The following PFKP variants were observed in gnomAD, a reference collection of about 807,000 sequenced individuals.
PFKP encodes phosphofructokinase, platelet, also known as ATP-dependent 6-phosphofructokinase, platelet type.
In PFKP, 101 loss-of-function variants were observed where a neutral mutation model predicts 94.3. That is an observed-to-expected ratio of 1.07 (90% CI 0.91 to 1.26). The LOEUF (loss-of-function observed/expected upper bound fraction) is 1.26, where lower values mean the gene tolerates loss of function less well. Ranked by LOEUF, PFKP falls within the 50% of genes most tolerant of loss-of-function variation. PFKP has a pLI of 0.00. For missense variants in PFKP, 1,145 were observed against 1,103.3 expected, an observed-to-expected ratio of 1.04 and a Z score of -0.53; for synonymous variants, 573 against 432.6, an observed-to-expected ratio of 1.32 and a Z score of -4.03.
chr10:3,109,524 G>A, intron 10 of PFKP, 44 bp downstream of exon 10: 1 of 1,588,514 alleles, frequency 6.3e-7, no homozygotes, highest in South Asian at 1.1e-5. Flanking sequence ...GAGACGGCTG[G>A]GACAGAAGCT....
chr10:3,075,904 C>CG (rs1832538888), intron 1 of PFKP, among the ~76,000 whole-genome samples: 1 of 70,346 alleles, frequency 1.4e-5, no homozygotes, highest in African/African-American at 5.3e-5. Flanking sequence ...GACCCTATCG[C>CG]AAAAAAAAAA....
At position 3,119,915 on chromosome 10, in the gene PFKP, G is replaced by C. The variant is rs145161659; in HGVS notation, c.1554G>C (p.Leu518=). 432 of 1,614,150 alleles carry C rather than the reference G, an allele frequency of 2.7e-4. 4 individuals are homozygous for C. The East Asian group carries it at 9.3e-3, about 35-fold the overall frequency. ...GFEAYLGLLE[L]SAAREKHEEF... ...AGGCCTACCTGGGACTCCTGGAGCT[G>C]TCAGCCGCCCGGGAGAAGCACGAGG... The change falls in exon 16 of 22, where the codon CTG becomes CTC. Residue 518 remains leucine (L), a synonymous_variant. Coordinates refer to ENST00000381125, the MANE Select transcript of PFKP (RefSeq NM_002627.5).
chr10:3,077,536 G>A lies in PFKP; in HGVS notation c.113-4852G>A, dbSNP rs137912355. Among the ~76,000 whole-genome samples, 600 of 151,792 alleles carry A rather than the reference G, an allele frequency of 4.0e-3. 10 individuals carry two copies. The highest frequency in any genetic ancestry group is 0.033 in the Admixed American group (496 of 15,252). ...CCACCTTGGCCTCCCAAAGTGCTGG[G>A]ATTACAGGCATGAGGCATCGTGCCT... is the stretch of plus-strand genomic sequence containing the variant. On this transcript the variant is annotated intron_variant, in intron 1 of 21. Transcript: ENST00000381125.
chr10:3,112,013 T>C (rs927423367), intron 10 of PFKP, among the ~76,000 whole-genome samples: 2 of 152,166 alleles, frequency 1.3e-5, no homozygotes, highest in African/African-American at 4.8e-5. Flanking sequence ...GGCTCTGACC[T>C]CACAGCCGGG....
intron 1 of PFKP, 66 bp downstream of exon 1, chr10:3,067,773 G>A: frequency 1.2e-6 from 1 of 805,896 alleles, no homozygotes; most frequent in East Asian, 3.4e-5. Flanking sequence ...ACCGGGCGAA[G>A]GCGATGGGGT....
intron 2 of PFKP, 63 bp downstream of exon 2, chr10:3,082,524 C>G: frequency 8.3e-7 from 1 of 1,211,504 alleles, no homozygotes; most frequent in Non-Finnish European, 1.2e-6. Flanking sequence ...CTGCAGTCAC[C>G]GGCGCTCGCT....
chr10:3,105,866 G>A (rs1564307912), intron 7 of PFKP, among the ~76,000 whole-genome samples: 1 of 152,162 alleles, frequency 6.6e-6, no homozygotes, highest in Non-Finnish European at 1.5e-5. Context: ...TAGAAAGCGA[G>A]TCCATTGAGG....
intron 1 of PFKP, among the ~76,000 whole-genome samples, chr10:3,076,915 A>G (rs1832641309): frequency 6.6e-6 from 1 of 152,124 alleles, no homozygotes; most frequent in African/African-American, 2.4e-5. Flanking sequence ...CCTTGACAGA[A>G]TCTGCCTTTG....
At chr10:3,135,063 T>G (rs867265866) in intron 20 of PFKP, among the ~76,000 whole-genome samples, 3 of 152,362 alleles carry the variant, frequency 2.0e-5, no homozygotes, top group Middle Eastern at 3.4e-3. Flanking sequence ...AAGTTACATA[T>G]TCTAAGAAAT....
intron 8 of PFKP, among the ~76,000 whole-genome samples, 186 bp downstream of exon 8, chr10:3,107,495 C>T (rs1044391951): frequency 1.2e-4 from 19 of 152,232 alleles, no homozygotes; most frequent in African/African-American, 4.3e-4. Context: ...CCTGGGAGCC[C>T]ATTCCGCTTA....
intron 16 of PFKP, among the ~76,000 whole-genome samples, chr10:3,120,876 T>C (rs7086721): frequency 0.68 from 103,834 of 151,960 alleles, 35,512 homozygotes; most frequent in South Asian, 0.74. Flanking sequence ...TGGTAATTGA[T>C]GTGGGAGTTT....
chr10:3,084,080 A>G (rs2131430987), intron 2 of PFKP, among the ~76,000 whole-genome samples: 1 of 152,314 alleles, frequency 6.6e-6, no homozygotes, highest in South Asian at 2.1e-4. Flanking sequence ...GTAACACTGC[A>G]AGATCTATGT....
rs371399559 is a variant in PFKP at position 3,103,916 on chromosome 10, G to A, written c.592G>A (p.Val198Ile). 25 of 1,613,640 alleles carry A rather than the reference G, an allele frequency of 1.5e-5. No homozygotes were observed. The highest frequency in any genetic ancestry group is 6.7e-5 in the East Asian group (3 of 44,878). ...CGCCCTGCACAGGATCATCGAGGTC[G>A]TCGACGCCATCATGACCACGGCCCA... ...DSALHRIIEV[V>I]DAIMTTAQSH... Residue 198 changes from valine to isoleucine, a missense_variant, in exon 5 of 22, where the codon GTC (valine) becomes ATC (isoleucine). Val to Ile is a conservative substitution (Grantham distance 29, BLOSUM62 3). This residue lies in a region of PFKP where 1,119 missense variants were observed against 1,062.8 expected (regional missense o/e 1.05). Transcript: ENST00000381125.
intron 2 of PFKP, among the ~76,000 whole-genome samples, chr10:3,089,358 A>T (rs1053650087): frequency 3.3e-5 from 5 of 151,920 alleles, no homozygotes; most frequent in Non-Finnish European, 7.4e-5. Flanking sequence ...TTGTCCATTT[A>T]TCCGCTGACG....
At chr10:3,131,651 G>C (rs1838604616) in intron 17 of PFKP, among the ~76,000 whole-genome samples, 1 of 151,876 alleles carries the variant, frequency 6.6e-6, no homozygotes, top group African/African-American at 2.4e-5. Context: ...AGAGACGGGG[G>C]TTTCACCATG....
chr10:3,084,715 G>C (rs149324411), intron 2 of PFKP, among the ~76,000 whole-genome samples: 597 of 53,276 alleles, frequency 0.011, 2 homozygotes, highest in Non-Finnish European at 0.018. Context: ...CCCTCCCCAG[G>C]AGAGTCCTCC....
chr10:3,074,381 G>C (rs1184533917), intron 1 of PFKP, among the ~76,000 whole-genome samples: 2 of 152,196 alleles, frequency 1.3e-5, no homozygotes, highest in Non-Finnish European at 2.9e-5. Context: ...GGAGTCCGTA[G>C]AGGAGAGTGG....
intron 12 of PFKP, 89 bp downstream of exon 12, chr10:3,113,277 C>G: frequency 1.3e-6 from 2 of 1,578,272 alleles, no homozygotes; most frequent in Non-Finnish European, 1.7e-6. Flanking sequence ...CACCTGTTTT[C>G]AGGCCTGGCA....
intron 1 of PFKP, among the ~76,000 whole-genome samples, chr10:3,076,042 T>TA (rs199584217): frequency 0.24 from 28,732 of 121,468 alleles, 3,399 homozygotes; most frequent in East Asian, 0.33. Context: ...AAAAAAAAAG[T>TA]AAAAACCGGT....
Sources: gnomAD v4.1 joint callset for allele counts (sites outside exome capture counted in the v4.1 genomes callset) on GRCh38, gnomAD v4.1.1 for gene constraint, gnomAD v4.1.1 regional missense constraint, MANE v1.5 for transcripts, NCBI Gene and HGNC (gene_info 2026-07-23, HGNC 2026-07-21) for gene names.